Variants in DNM3 observed in about 807,000 individuals in gnomAD.
DNM3 encodes dynamin-3.
A neutral mutation model predicts 101.6 loss-of-function variants in DNM3; 47 were observed. The observed-to-expected ratio is 0.46, with a 90% CI of 0.37 to 0.59. DNM3 has a LOEUF of 0.59. Among genes scored for constraint, DNM3 ranks in the 20% least tolerant of loss-of-function variants. The pLI, the probability that DNM3 is intolerant of heterozygous loss-of-function variation, is 0.00. For missense variants in DNM3, 849 were observed against 1,085.7 expected, an observed-to-expected ratio of 0.78 and a Z score of 3.06; for synonymous variants, 385 against 387.9, an observed-to-expected ratio of 0.99 and a Z score of 0.09.
chr1:172,278,141 A>C (rs1354594963), intron 15 of DNM3, among the ~76,000 whole-genome samples: 1 of 152,148 alleles, frequency 6.6e-6, no homozygotes, highest in Non-Finnish European at 1.5e-5. Flanking sequence ...GTACAAGAGA[A>C]TCAAAATGAC....
At chr1:172,000,635 C>T (rs558270121) in intron 4 of DNM3, among the ~76,000 whole-genome samples, 1 of 152,166 alleles carries the variant, frequency 6.6e-6, no homozygotes, top group Admixed American at 6.6e-5. Context: ...TCATCCTCAC[C>T]TCCAATCTTT....
intron 1 of DNM3, among the ~76,000 whole-genome samples, chr1:171,862,859 A>G (rs1286288423): frequency 6.6e-6 from 1 of 152,130 alleles, no homozygotes; most frequent in African/African-American, 2.4e-5. Flanking sequence ...AGGAGAGGCC[A>G]AAGAACTAGA....
At chr1:172,104,275 T>C (rs370416153) in intron 13 of DNM3, among the ~76,000 whole-genome samples, 15 of 152,280 alleles carry the variant, frequency 9.9e-5, no homozygotes, top group East Asian at 3.9e-4. Flanking sequence ...TTTTAAACAT[T>C]TTATGGCATT....
At chr1:172,303,836 T>C (rs1461987365) in intron 15 of DNM3, among the ~76,000 whole-genome samples, 1 of 152,048 alleles carries the variant, frequency 6.6e-6, no homozygotes, top group Non-Finnish European at 1.5e-5. Flanking sequence ...TGCTGAGAGA[T>C]TTTGTCACCA....
At chr1:172,289,405 A>G (rs546920947) in intron 15 of DNM3, 3 of 250,678 alleles carry the variant, frequency 1.2e-5, no homozygotes, top group Admixed American at 1.3e-4. Flanking sequence ...ATAAAAGCAT[A>G]CTTAGAATCT....
intron 12 of DNM3, among the ~76,000 whole-genome samples, chr1:172,087,999 T>C (rs1200772325): frequency 2.0e-5 from 3 of 152,226 alleles, no homozygotes; most frequent in African/African-American, 7.2e-5. Flanking sequence ...GATATGCTTC[T>C]TCAAATTATT....
At chr1:172,139,252 C>A in intron 14 of DNM3, 1 of 200,738 alleles carries the variant, frequency 5.0e-6, no homozygotes, top group South Asian at 7.0e-5. Flanking sequence ...AGATGTTTTT[C>A]CTCTTTGCAA....
chr1:172,109,089 G>T (rs113080249), intron 13 of DNM3, among the ~76,000 whole-genome samples: 9 of 151,902 alleles, frequency 5.9e-5, no homozygotes, highest in African/African-American at 2.2e-4. Flanking sequence ...GTTTTAATTT[G>T]AGTCTCAATT....
chr1:172,322,621 C>A (rs1437105145), intron 16 of DNM3, among the ~76,000 whole-genome samples: 1 of 152,144 alleles, frequency 6.6e-6, no homozygotes, highest in Non-Finnish European at 1.5e-5. Flanking sequence ...TGTGACTAAC[C>A]TTTCCAGACC....
At chr1:171,967,484 C>T (rs537082878) in intron 2 of DNM3, among the ~76,000 whole-genome samples, 43 of 152,222 alleles carry the variant, frequency 2.8e-4, no homozygotes, top group African/African-American at 9.6e-4. Flanking sequence ...CTGTCTCTCT[C>T]ATCCTCCTTA....
chr1:172,387,655 C>T lies in DNM3; in HGVS notation c.2285+296C>T, dbSNP rs1029703902. Reference sequence around the variant, plus strand: ...CCTGGGTGACAGAGCAAGACTCCGTCTCAAAAAAAAAAAAGAAGATGGACC... The same window carrying T: ...CCTGGGTGACAGAGCAAGACTCCGTTTCAAAAAAAAAAAAGAAGATGGACC... On this transcript the variant is annotated intron_variant, in intron 19 of 20. Coordinates refer to ENST00000627582, the MANE Select transcript of DNM3 (RefSeq NM_015569.5). Among the ~76,000 whole-genome samples the T allele has an allele frequency of 2.0e-5, 3 of 149,998 alleles. No homozygotes were observed. In the East Asian group the frequency reaches 5.9e-4, roughly 29 times the overall value.
At chr1:172,415,526 T>TTTTC (rs1553256645), downstream of DNM3, 5 of 105,962 alleles carry the variant, frequency 4.7e-5, no homozygotes, top group African/African-American at 1.6e-4. Context: ...TTTTGTGAGT[T>TTTTC]TTTTTTTTTT....
At chr1:172,382,584 C>T (rs991551509) in intron 18 of DNM3, among the ~76,000 whole-genome samples, 1 of 152,096 alleles carries the variant, frequency 6.6e-6, no homozygotes, top group Non-Finnish European at 1.5e-5. Context: ...GTCTGATGTT[C>T]TCACCATTTG....
At chr1:172,234,101 G>T (rs2061443206) in intron 14 of DNM3, among the ~76,000 whole-genome samples, 1 of 152,092 alleles carries the variant, frequency 6.6e-6, no homozygotes, top group Admixed American at 6.6e-5. Flanking sequence ...AAGTCAAATT[G>T]TCCCTGTTTG....
At chr1:172,241,239 A>ATGTGTGTGTGTGTGTGTG (rs1262155821) in intron 14 of DNM3, among the ~76,000 whole-genome samples, 17 of 148,454 alleles carry the variant, frequency 1.1e-4, no homozygotes, top group African/African-American at 4.0e-4. Context: ...ATATACATAG[A>ATGTGTGTGTGTGTGTGTG]TGTGTGTGTG....
chr1:172,055,648 A>G (rs879274761), intron 10 of DNM3, among the ~76,000 whole-genome samples: 1 of 152,158 alleles, frequency 6.6e-6, no homozygotes, highest in Non-Finnish European at 1.5e-5. Context: ...GTTTTCAACA[A>G]TGATTATTGA....
At position 171,851,827 on chromosome 1, in the gene DNM3, A is replaced by G. The variant is rs931488833; in HGVS notation, c.161+10010A>G. ...GTATCAGACTACATCCAAGGTAGTTATAAGTACCACTTTGTGAAAGTTTTG... is the reference window on the plus strand; with the variant it reads ...GTATCAGACTACATCCAAGGTAGTTGTAAGTACCACTTTGTGAAAGTTTTG... On this transcript the variant is annotated intron_variant, in intron 1 of 20. Transcript: ENST00000627582. 1.8e-4 allele frequency among the ~76,000 whole-genome samples: 27 copies of G among 152,258 alleles called. 1 individual carries two copies. The highest frequency in any genetic ancestry group is 1.6e-3 in the Admixed American group (25 of 15,286).
chr1:172,001,042 C>T (rs1007541410), intron 4 of DNM3, among the ~76,000 whole-genome samples: 1 of 151,846 alleles, frequency 6.6e-6, no homozygotes, highest in Admixed American at 6.6e-5. Flanking sequence ...GAGAAATGTC[C>T]TTGATTTAGG....
Position 172,119,714 on chromosome 1 carries a change from C to T in DNM3, c.1546-11461C>T, listed in dbSNP as rs115728843. Among the ~76,000 whole-genome samples, 708 of 152,268 alleles carry T rather than the reference C, an allele frequency of 4.6e-3. 7 individuals carry two copies. Among genetic ancestry groups the T allele is most frequent in the African/African-American group, 0.016 (665 of 41,546 alleles). ...CAGCCAATGATCTATTTCACATGTTCACATCTTGACATGTCCAGACTGAAC... is the reference window on the plus strand; with the variant it reads ...CAGCCAATGATCTATTTCACATGTTTACATCTTGACATGTCCAGACTGAAC... On this transcript the variant is annotated intron_variant, in intron 13 of 20. Transcript: ENST00000627582.
Sources: allele counts gnomAD v4.1 joint callset (sites outside exome capture counted in the v4.1 genomes callset), GRCh38; gene constraint gnomAD v4.1.1; transcripts MANE v1.5; gene names NCBI Gene and HGNC (gene_info 2026-07-23, HGNC 2026-07-21).